DENND2C: variants seen among roughly 807,000 people sequenced by gnomAD.
DENND2C encodes the protein DENN domain containing 2C.
Under a neutral mutation model 112.4 loss-of-function variants are expected in DENND2C, and 72 were observed. That is an observed-to-expected ratio of 0.64 (90% confidence interval 0.53 to 0.78). The LOEUF is 0.78. DENND2C is among the 30% of genes least tolerant of loss of function. DENND2C has a pLI of 0.00. For missense variants in DENND2C, 992 were observed against 1,113.8 expected (o/e 0.89, Z 1.56); for synonymous variants, 329 against 381.6 (o/e 0.86, Z 1.61).
intron 8 of DENND2C, among the ~76,000 whole-genome samples, chr1:114,614,798 G>A (rs1421550521): frequency 2.0e-5 from 3 of 152,136 alleles, no homozygotes; most frequent in Non-Finnish European, 4.4e-5. Flanking sequence ...GGATCACGAG[G>A]TCAAGAGATT....
intron 10 of DENND2C, 46 bp from the exon 11 acceptor site, chr1:114,605,077 T>C: frequency 7.2e-7 from 1 of 1,395,292 alleles, no homozygotes; most frequent in East Asian, 2.3e-5. Flanking sequence ...ACTATGTAAG[T>C]GGGGAATAGA....
chr1:114,587,986 A>G, intron 18 of DENND2C, 34 bp from the exon 19 acceptor site: 1 of 1,584,500 alleles, frequency 6.3e-7, no homozygotes, highest in Non-Finnish European at 8.6e-7. Context: ...AAAGAAAAAA[A>G]TCTCCTCAGT....
In DENND2C at chr1:114,654,763, TAA is replaced by T. The variant is rs562839824; in HGVS notation, c.-573-4_-573-3del. The T allele has an allele frequency of 0.018, 2,121 of 116,508 alleles. 45 individuals carry two copies. Among genetic ancestry groups the T allele is most frequent in the African/African-American group, 0.06 (1,915 of 31,736 alleles). The allele number at this position is 116,508 out of a possible 1,614,324, so 7.2% of individuals were successfully genotyped here. A position where few individuals can be genotyped will look rare whatever the true frequency, so the allele number is the denominator to read the frequency against. ...TACCGATGTTTGTTTCTCTGCCACC[TAA>T]AAAAAAAAAAAAAAAAGACAAAGTA... On this transcript the variant is annotated splice_region_variant and splice_polypyrimidine_tract_variant and intron_variant, in intron 1 of 20. Transcript: ENST00000393274.
intron 5 of DENND2C, 128 bp downstream of exon 5, chr1:114,623,379 G>T (rs538403916): frequency 2.1e-5 from 19 of 889,524 alleles, no homozygotes; most frequent in African/African-American, 5.2e-5. Flanking sequence ...TACACCAAAC[G>T]TTTCCATGCT....
intron 19 of DENND2C, 113 bp downstream of exon 19, chr1:114,587,603 A>G: frequency 1.4e-6 from 2 of 1,415,276 alleles, no homozygotes; most frequent in Non-Finnish European, 1.9e-6. Context: ...TCTCATAATA[A>G]ACAACTCAGA....
At chr1:114,652,614 C>A (rs563243020) in intron 2 of DENND2C, among the ~76,000 whole-genome samples, 1 of 149,674 alleles carries the variant, frequency 6.7e-6, no homozygotes, top group Admixed American at 6.7e-5. Flanking sequence ...AAAATGGTGT[C>A]GAATTTGCAT....
rs376043143 is a variant in DENND2C at position 114,625,016 on chromosome 1, T to C, written c.806+163A>G. ...CTTAGCTATTACTACATTTCTACTT[T>C]TTTCACTTCTTATTTTCCTTCCACA... On this transcript the variant is annotated intron_variant, in intron 4 of 20. Coordinates refer to ENST00000393274, the MANE Select transcript of DENND2C (RefSeq NM_001256404.2). Among the ~76,000 whole-genome samples, 192 of 152,332 alleles carry C rather than the reference T, an allele frequency of 1.3e-3. 1 individual carries two copies. The highest frequency in any genetic ancestry group is 4.3e-3 in the African/African-American group (178 of 41,580).
At position 114,652,663 on chromosome 1, in the gene DENND2C, T is replaced by C. The variant is rs1657202949; in HGVS notation, c.-317+1842A>G. ...TACAACTTATAGCCTTACATTTACT[T>C]TTTTTTTTTTTTTTTTTTTTTTTTA... On this transcript the variant is annotated intron_variant, in intron 2 of 20. Coordinates refer to ENST00000393274, the MANE Select transcript of DENND2C (RefSeq NM_001256404.2). Among the ~76,000 whole-genome samples, 7 of 3,556 alleles carry C rather than the reference T, an allele frequency of 2.0e-3. No individual in the cohort carries two copies. In the South Asian group the frequency reaches 0.056, roughly 28 times the overall value. 2.3% of individuals were successfully genotyped at this position (3,556 alleles called of 152,430 possible). A position where few individuals can be genotyped will look rare whatever the true frequency, so the allele number is the denominator to read the frequency against.
intron 1 of DENND2C, among the ~76,000 whole-genome samples, chr1:114,660,407 C>T (rs1332764455): frequency 6.6e-6 from 1 of 152,194 alleles, no homozygotes; most frequent in African/African-American, 2.4e-5. Context: ...TCACCCACAC[C>T]CAGCCTATTG....
At chr1:114,596,369 CAAAT>C (rs1232937723) in intron 16 of DENND2C, among the ~76,000 whole-genome samples, 25 of 152,058 alleles carry the variant, frequency 1.6e-4, no homozygotes, top group African/African-American at 6.0e-4. Flanking sequence ...TCTAAATAAA[CAAAT>C]AAATGAATAA....
intron 1 of DENND2C, among the ~76,000 whole-genome samples, chr1:114,659,244 T>TA (rs1193209460): frequency 6.6e-6 from 1 of 152,208 alleles, no homozygotes; most frequent in Non-Finnish European, 1.5e-5. Context: ...CTCACGCCTA[T>TA]AACCCCAGCA....
intron 3 of DENND2C, among the ~76,000 whole-genome samples, chr1:114,641,539 T>C (rs374401374): frequency 4.6e-5 from 7 of 152,052 alleles, no homozygotes; most frequent in Admixed American, 3.9e-4. Context: ...AGCTGGTTAT[T>C]TGAAAGATCC....
At chr1:114,644,420 T>C (rs981877707) in intron 3 of DENND2C, among the ~76,000 whole-genome samples, 57 of 152,218 alleles carry the variant, frequency 3.7e-4, no homozygotes, top group African/African-American at 1.3e-3. Context: ...AAGTATTTGT[T>C]GAATGAATGA....
intron 3 of DENND2C, among the ~76,000 whole-genome samples, chr1:114,635,994 A>C (rs2101676611): frequency 6.6e-6 from 1 of 151,946 alleles, no homozygotes; most frequent in East Asian, 1.9e-4. Flanking sequence ...CAACAGAGCA[A>C]GACTCCATCT....
At chr1:114,605,612 T>G (rs1331384656) in intron 10 of DENND2C, among the ~76,000 whole-genome samples, 1 of 151,930 alleles carries the variant, frequency 6.6e-6, no homozygotes, top group Non-Finnish European at 1.5e-5. Context: ...GGCAACATGG[T>G]GAAACCCCAT....
chr1:114,640,855 G>C (rs1289987644), intron 3 of DENND2C, among the ~76,000 whole-genome samples: 2 of 152,108 alleles, frequency 1.3e-5, no homozygotes, highest in Non-Finnish European at 2.9e-5. Flanking sequence ...CTGTTAAAGA[G>C]TAAAACACAT....
intron 8 of DENND2C, among the ~76,000 whole-genome samples, chr1:114,614,519 G>A (rs1033559929): frequency 1.3e-5 from 2 of 152,100 alleles, no homozygotes. Context: ...ACAATGTAGA[G>A]GCTGCTCCTT....
In DENND2C at chr1:114,610,945, A is replaced by C. The variant is rs1235885380; in HGVS notation, c.1369+128T>G. ...TTCTCCAAACCTCAACAGGCTCTGAAAATAAGGAAATCATCTACAAAATGG... is the reference window on the plus strand; with the variant it reads ...TTCTCCAAACCTCAACAGGCTCTGACAATAAGGAAATCATCTACAAAATGG... On this transcript the variant is annotated intron_variant, in intron 9 of 20. Coordinates refer to ENST00000393274, the MANE Select transcript of DENND2C (RefSeq NM_001256404.2). 1.1e-5 allele frequency: 12 copies of C among 1,071,794 alleles called. No homozygotes were observed. In the East Asian group the frequency reaches 2.9e-4, roughly 25 times the overall value. 66.4% of individuals were successfully genotyped at this position (1,071,794 alleles called of 1,614,324 possible). A position where few individuals can be genotyped will look rare whatever the true frequency, so the allele number is the denominator to read the frequency against.
chr1:114,669,707 C>T (rs1403026711), intron 1 of DENND2C, among the ~76,000 whole-genome samples: 1 of 152,150 alleles, frequency 6.6e-6, no homozygotes, highest in South Asian at 2.1e-4. Flanking sequence ...CCTGAGGTAG[C>T]GAGGAGGTCT....
Sources: allele counts gnomAD v4.1 joint callset (sites outside exome capture counted in the v4.1 genomes callset), GRCh38; gene constraint gnomAD v4.1.1; transcripts MANE v1.5; gene names NCBI Gene and HGNC (gene_info 2026-07-23, HGNC 2026-07-21).